Variants in WASHC5 observed in about 807,000 individuals in gnomAD.
The protein encoded by WASHC5 is WASH complex subunit 5.
WASHC5 carries 101 observed loss-of-function variants against 150.4 expected under a neutral mutation model. The observed-to-expected ratio is 0.67, with a 90% CI of 0.57 to 0.79. The LOEUF is 0.79. WASHC5 is among the 30% of genes least tolerant of loss of function. The probability of loss-of-function intolerance (pLI) is 0.00; values close to 1 mark genes in which losing one functional copy is unlikely to be tolerated. For missense variants in WASHC5, 1,195 were observed against 1,396.3 expected (o/e 0.86, Z 2.30); for synonymous variants, 467 against 491.2 (o/e 0.95, Z 0.65).
At chr8:125,059,572 A>C (rs974191157) in intron 12 of WASHC5, 30 bp from the exon 13 acceptor site, 1 of 1,561,632 alleles carries the variant, frequency 6.4e-7, no homozygotes, top group Non-Finnish European at 8.8e-7. Flanking sequence ...TTAATTTAAA[A>C]ATCCTGAATG....
Position 125,038,878 on chromosome 8 carries a change from T to C in WASHC5, c.3036A>G (p.Glu1012=), listed in dbSNP as rs756246696. Reference sequence around the variant, plus strand: ...CAGCTGCCTCCAGATAGGCTGTGATTTCATATAAAAGTGTGTTATCTTCTT... The same window carrying C: ...CAGCTGCCTCCAGATAGGCTGTGATCTCATATAAAAGTGTGTTATCTTCTT... ...YPKEDNTLLY[E]ITAYLEAAGI... is the part of the protein sequence containing the mutation. Residue 1012 remains glutamate (E), a synonymous_variant, in exon 25 of 29, where the codon GAA becomes GAG. Coordinates refer to ENST00000318410, the MANE Select transcript of WASHC5 (RefSeq NM_014846.4). 2.2e-5 allele frequency: 35 copies of C among 1,614,016 alleles called. No homozygotes were observed. Among genetic ancestry groups the C allele is most frequent in the Non-Finnish European group, 3.0e-5 (35 of 1,179,970 alleles).
intron 7 of WASHC5, among the ~76,000 whole-genome samples, chr8:125,075,412 G>T (rs1817025642): frequency 6.8e-6 from 1 of 147,740 alleles, no homozygotes; most frequent in Non-Finnish European, 1.5e-5. Context: ...AATTGCCTGG[G>T]ATATCTTTTT....
At chr8:125,065,443 C>G (rs1405358133) in intron 10 of WASHC5, among the ~76,000 whole-genome samples, 1 of 151,960 alleles carries the variant, frequency 6.6e-6, no homozygotes, top group African/African-American at 2.4e-5. Context: ...CATTCTGTTT[C>G]AATAGATTCC....
intron 19 of WASHC5, among the ~76,000 whole-genome samples, chr8:125,048,115 G>C (rs1252796511): frequency 6.6e-6 from 1 of 152,192 alleles, no homozygotes; most frequent in African/African-American, 2.4e-5. Flanking sequence ...TTGTGAAAAG[G>C]TGAGGTGACA....
intron 14 of WASHC5, among the ~76,000 whole-genome samples, chr8:125,058,917 G>A (rs1267934805): frequency 6.6e-6 from 1 of 151,980 alleles, no homozygotes; most frequent in African/African-American, 2.4e-5. Flanking sequence ...TTCATGCCTA[G>A]GGAATAAAGG....
chr8:125,081,786 CA>C (rs758552608), intron 4 of WASHC5, 25 bp from the exon 5 acceptor site: 3 of 1,317,014 alleles, frequency 2.3e-6, no homozygotes, highest in South Asian at 2.3e-5. Context: ...GGACAAAAGC[CA>C]AAATCACTAG....
rs1554597112 is a variant in WASHC5, at chr8:125,079,142, A to AC, written c.519-213_519-212insG. 0.015 allele frequency among the ~76,000 whole-genome samples: 1,664 copies of AC among 107,982 alleles called. 24 individuals are homozygous for AC. The highest frequency in any genetic ancestry group is 0.05 in the South Asian group (166 of 3,298). The allele number at this position is 107,982 out of a possible 152,430, so 70.8% of individuals were successfully genotyped here. ...TATATATATATATATATATATATAC[A>AC]TTTTTTTTTGAGATGGAGTCTCGCT... On this transcript the variant is annotated intron_variant, in intron 5 of 28. Coordinates refer to ENST00000318410, the MANE Select transcript of WASHC5 (RefSeq NM_014846.4).
chr8:125,027,379 C>A (rs1178799555), intron 28 of WASHC5, among the ~76,000 whole-genome samples: 1 of 152,166 alleles, frequency 6.6e-6, no homozygotes, highest in East Asian at 1.9e-4. Flanking sequence ...AAGTGTCCAT[C>A]AATCAATGAG....
In WASHC5 at chr8:125,038,860, C is replaced by G; in HGVS notation, c.3054G>C (p.Glu1018Asp). ...TCAGTGGGTTGTGAATGCCAGCTGC[C>G]TCCAGATAGGCTGTGATTTCATATA... ...TLLYEITAYL[E>D]AAGIHNPLNK... The change falls in exon 25 of 29, where the codon GAG (glutamate) becomes GAC (aspartate). Residue 1018 changes from glutamate to aspartate, a missense_variant. Glu to Asp is a conservative substitution (Grantham distance 45). This residue lies in a region of WASHC5 where 997 missense variants were observed against 1,168.1 expected (regional missense o/e 0.85). Transcript: ENST00000318410. 1 of 1,614,086 alleles carries G rather than the reference C, an allele frequency of 6.2e-7. No homozygotes were observed. The highest frequency in any genetic ancestry group is 8.5e-7 in the Non-Finnish European group (1 of 1,179,952).
chr8:125,067,920 G>A (rs943135947), intron 9 of WASHC5, among the ~76,000 whole-genome samples: 2 of 152,174 alleles, frequency 1.3e-5, no homozygotes, highest in Non-Finnish European at 2.9e-5. Flanking sequence ...AATCTGACAT[G>A]GAGTGCCATC....
At chr8:125,079,487 G>A (rs1342604047) in intron 5 of WASHC5, among the ~76,000 whole-genome samples, 2 of 151,818 alleles carry the variant, frequency 1.3e-5, no homozygotes, top group African/African-American at 4.8e-5. Context: ...CACTGTGCCC[G>A]GCCTCAAAAT....
chr8:125,084,098 T>G, intron 1 of WASHC5, 76 bp from the exon 2 acceptor site: 1 of 572,776 alleles, frequency 1.7e-6, no homozygotes, highest in Non-Finnish European at 3.1e-6. Flanking sequence ...AACACATTTT[T>G]CTCCCAAACT....
At chr8:125,065,247 G>C (rs549640815) in intron 10 of WASHC5, among the ~76,000 whole-genome samples, 1 of 152,230 alleles carries the variant, frequency 6.6e-6, no homozygotes, top group Admixed American at 6.5e-5. Flanking sequence ...AAGTAGGACA[G>C]AGGAAGCACA....
intron 12 of WASHC5, 115 bp from the exon 13 acceptor site, chr8:125,059,657 T>C: frequency 1.3e-6 from 1 of 761,284 alleles, no homozygotes; most frequent in Non-Finnish European, 2.1e-6. Flanking sequence ...CTTGATAAAG[T>C]TTTTATTTCA....
chr8:125,031,114 C>G (rs1815522086), intron 27 of WASHC5, among the ~76,000 whole-genome samples: 1 of 152,082 alleles, frequency 6.6e-6, no homozygotes, highest in Non-Finnish European at 1.5e-5. Context: ...TAGCACAAGC[C>G]CCCTCGGTGA....
Position 125,073,155 on chromosome 8 carries a change from G to C in WASHC5, c.1148C>G (p.Ser383Ter). The change falls in exon 9 of 29, where the codon TCA becomes TGA. Residue 383 changes from serine (S) to a stop codon, truncating the protein, a stop_gained and splice_region_variant. Transcript: ENST00000318410. LOFTEE classifies it high-confidence loss of function. ...CGGCCACCCCTTTTGTGCATTACCTGAGTCTGCTGTATGAAGCATCAGCCA... is the reference window on the plus strand; with the variant it reads ...CGGCCACCCCTTTTGTGCATTACCTCAGTCTGCTGTATGAAGCATCAGCCA... Reference protein sequence around the residue: ...IRWLMLHTADSACDPNNKRLR... With the variant: ...IRWLMLHTAD 1 of 1,614,034 alleles carries C rather than the reference G, an allele frequency of 6.2e-7. No homozygotes were observed. The highest frequency in any genetic ancestry group is 8.5e-7 in the Non-Finnish European group (1 of 1,179,916).
intron 16 of WASHC5, among the ~76,000 whole-genome samples, chr8:125,056,275 A>G (rs1045926487): frequency 3.3e-5 from 5 of 152,202 alleles, no homozygotes; most frequent in Admixed American, 1.3e-4. Context: ...CTGCTGAACT[A>G]TTATTGAGTG....
chr8:125,073,476 A>G (rs1816963702), intron 8 of WASHC5, 152 bp from the exon 9 acceptor site: 11 of 725,200 alleles, frequency 1.5e-5, no homozygotes, highest in Middle Eastern at 3.5e-4. Flanking sequence ...TAACATTTCT[A>G]TAAGATGAAT....
chr8:125,073,843 C>T (rs10505450), intron 8 of WASHC5, among the ~76,000 whole-genome samples: 16,773 of 152,130 alleles, frequency 0.11, 2,162 homozygotes, highest in African/African-American at 0.31. Context: ...AAATTTCAAA[C>T]GGAGACTTGG....
Sources: gnomAD v4.1 joint callset for allele counts (sites outside exome capture counted in the v4.1 genomes callset) on GRCh38, gnomAD v4.1.1 for gene constraint, gnomAD v4.1.1 regional missense constraint, MANE v1.5 for transcripts, NCBI Gene and HGNC (gene_info 2026-07-23, HGNC 2026-07-21) for gene names.